GMDS: variants seen among roughly 807,000 people sequenced by gnomAD.
The protein encoded by GMDS is GDP-mannose 4,6-dehydratase.
A neutral mutation model predicts 49.9 loss-of-function variants in GMDS; 20 were observed. The ratio of observed to expected loss-of-function variants is 0.40; its 90% CI spans 0.28 to 0.58. GMDS has a LOEUF of 0.58. Ranked by LOEUF, GMDS falls within the 20% of genes least tolerant of loss-of-function variation. The pLI is 0.42. For synonymous variants in GMDS, 177 were observed against 178.6 expected, an observed-to-expected ratio of 0.99 and a Z score of 0.07; for missense variants, 362 against 481.4, an observed-to-expected ratio of 0.75 and a Z score of 2.32.
chr6:2,138,558 T>G (rs189501870), intron 1 of GMDS, among the ~76,000 whole-genome samples: 216 of 152,280 alleles, frequency 1.4e-3, no homozygotes, highest in African/African-American at 5.0e-3. Context: ...TGATCCTCAA[T>G]GTTGAAGGTG....
Position 1,646,732 on chromosome 6 carries a change from A to AT in GMDS, c.988-22193dup, listed in dbSNP as rs986984265. On this transcript the variant is annotated intron_variant, in intron 9 of 10. Transcript: ENST00000380815. ...ACCTCCTTTTCCAGGTTTATTTCCC[A>AT]TTTTTTTCCACCTATATCCTGCATT... Among the ~76,000 whole-genome samples the AT allele has an allele frequency of 6.6e-5, 10 of 151,866 alleles. No individual in the cohort carries two copies. The South Asian group carries it at 1.0e-3, about 16-fold the overall frequency.
In GMDS at chr6:1,839,808, T is replaced by C. The variant is rs1415357567; in HGVS notation, c.771+90295A>G. On this transcript the variant is annotated intron_variant, in intron 7 of 10. Coordinates refer to ENST00000380815, the MANE Select transcript of GMDS (RefSeq NM_001500.4). ...GCCAGTCAGGAGTCCCAGTGATGAGTGTGAGGAGCAGGCTGCAGCCGAGGG... is the reference window on the plus strand; with the variant it reads ...GCCAGTCAGGAGTCCCAGTGATGAGCGTGAGGAGCAGGCTGCAGCCGAGGG... 2.0e-5 allele frequency among the ~76,000 whole-genome samples: 3 copies of C among 151,956 alleles called. No individual in the cohort carries two copies. The East Asian group carries it at 5.8e-4, about 29-fold the overall frequency.
chr6:2,136,578 A>AT (rs1211609682), intron 1 of GMDS, among the ~76,000 whole-genome samples: 2 of 152,230 alleles, frequency 1.3e-5, no homozygotes, highest in East Asian at 3.9e-4. Flanking sequence ...TTAAAATAAT[A>AT]TTTTTTTAAT....
At chr6:2,231,512 T>C (rs1356790667) in intron 1 of GMDS, among the ~76,000 whole-genome samples, 1 of 152,120 alleles carries the variant, frequency 6.6e-6, no homozygotes, top group East Asian at 1.9e-4. Context: ...TGCAGTGAGC[T>C]GAGATGGCTC....
intron 4 of GMDS, among the ~76,000 whole-genome samples, chr6:1,973,452 C>T (rs1764728019): frequency 6.6e-6 from 1 of 151,994 alleles, no homozygotes; most frequent in Admixed American, 6.6e-5. Flanking sequence ...GGTATTTAGC[C>T]AATGGCCTGT....
intron 9 of GMDS, among the ~76,000 whole-genome samples, chr6:1,687,278 C>A (rs1006587256): frequency 3.9e-5 from 6 of 152,210 alleles, no homozygotes; most frequent in Non-Finnish European, 8.8e-5. Context: ...ACGTGAACAG[C>A]ACCTGCTACC....
chr6:2,240,601 C>CAAAAAAAAAAAAAAAAAAA (rs57052982), intron 1 of GMDS, among the ~76,000 whole-genome samples: 2 of 84,070 alleles, frequency 2.4e-5, no homozygotes, highest in African/African-American at 3.7e-5. Flanking sequence ...AAGACTGTCT[C>CAAAAAAAAAAAAAAAAAAA]AAAAAAAAAA....
intron 7 of GMDS, among the ~76,000 whole-genome samples, chr6:1,847,648 T>C (rs755302415): frequency 2.6e-5 from 4 of 152,242 alleles, no homozygotes; most frequent in Non-Finnish European, 5.9e-5. Context: ...TGTCAACCTA[T>C]GTTTCATAGA....
chr6:1,668,011 C>T lies in GMDS; in HGVS notation c.988-43471G>A, dbSNP rs1043576626. Among the ~76,000 whole-genome samples the T allele has an allele frequency of 5.3e-5, 8 of 152,012 alleles. No homozygotes were observed. In the East Asian group the frequency reaches 1.5e-3, roughly 29 times the overall value. ...CGGGAGTCTGGCCTATGCACAAGTC[C>T]CAGGGTGAATGAAGGGAGTGATCGT... On this transcript the variant is annotated intron_variant, in intron 9 of 10. Transcript: ENST00000380815.
At chr6:1,842,523 A>T (rs1273719411) in intron 7 of GMDS, among the ~76,000 whole-genome samples, 1 of 152,198 alleles carries the variant, frequency 6.6e-6, no homozygotes, top group African/African-American at 2.4e-5. Context: ...CTGGCAGCCG[A>T]CTTACAGCCA....
chr6:1,831,375 A>C (rs1756634244), intron 7 of GMDS, among the ~76,000 whole-genome samples: 1 of 152,236 alleles, frequency 6.6e-6, no homozygotes, highest in Non-Finnish European at 1.5e-5. Context: ...AGTCCAGATA[A>C]TCATTCCTTA....
At chr6:1,931,318 T>C (rs935693597) in intron 6 of GMDS, among the ~76,000 whole-genome samples, 1 of 152,252 alleles carries the variant, frequency 6.6e-6, no homozygotes. Flanking sequence ...TATTTCTAAA[T>C]AGGTTTTCCA....
At chr6:1,977,896 C>T (rs1764998806) in intron 4 of GMDS, among the ~76,000 whole-genome samples, 1 of 152,160 alleles carries the variant, frequency 6.6e-6, no homozygotes, top group African/African-American at 2.4e-5. Context: ...GGATATCCAG[C>T]AAATATGTCT....
chr6:1,917,270 A>G (rs1387279098), intron 7 of GMDS, among the ~76,000 whole-genome samples: 1 of 152,250 alleles, frequency 6.6e-6, no homozygotes, highest in East Asian at 1.9e-4. Flanking sequence ...AAATCAGCCC[A>G]GAAACATGGC....
chr6:2,243,187 G>A (rs1191344807), intron 1 of GMDS, among the ~76,000 whole-genome samples: 3 of 152,212 alleles, frequency 2.0e-5, no homozygotes, highest in South Asian at 4.1e-4. Context: ...AATGAAATGA[G>A]GAACCAAAAA....
At chr6:2,046,881 C>T (rs73412542) in intron 4 of GMDS, among the ~76,000 whole-genome samples, 4,102 of 152,176 alleles carry the variant, frequency 0.027, 119 homozygotes, top group South Asian at 0.095. Context: ...TTGGGGGCAG[C>T]GATAAAGAAA....
At chr6:1,784,412 A>AAAT (rs1561802974) in intron 7 of GMDS, among the ~76,000 whole-genome samples, 1 of 150,808 alleles carries the variant, frequency 6.6e-6, no homozygotes, top group African/African-American at 2.5e-5. Flanking sequence ...AAAAAAAAAA[A>AAAT]AAGAAAATTT....
At chr6:2,193,797 C>T (rs1779160824) in intron 1 of GMDS, among the ~76,000 whole-genome samples, 1 of 144,808 alleles carries the variant, frequency 6.9e-6, no homozygotes, top group Non-Finnish European at 1.5e-5. Context: ...GATCTCGGCT[C>T]ACTGCAAGCT....
At chr6:2,049,792 G>A (rs77342645) in intron 4 of GMDS, among the ~76,000 whole-genome samples, 1 of 152,172 alleles carries the variant, frequency 6.6e-6, no homozygotes, top group Admixed American at 6.5e-5. Flanking sequence ...GGTACATAAC[G>A]AAATGAAGGC....
Sources: gnomAD v4.1 joint callset for allele counts (sites outside exome capture counted in the v4.1 genomes callset) on GRCh38, gnomAD v4.1.1 for gene constraint, MANE v1.5 for transcripts, NCBI Gene and HGNC (gene_info 2026-07-23, HGNC 2026-07-21) for gene names.